ESR1: variants seen among roughly 807,000 people sequenced by gnomAD.
ESR1 encodes the protein estrogen receptor.
In ESR1, 12 loss-of-function variants were observed where a neutral mutation model predicts 52.7. That is an observed-to-expected ratio of 0.23 (90% confidence interval 0.15 to 0.37). The LOEUF is 0.37. Among genes scored for constraint, ESR1 ranks in the 10% least tolerant of loss-of-function variants. The pLI is 1.00. For synonymous variants in ESR1, 305 were observed against 316.8 expected (o/e 0.96, Z 0.39); for missense variants, 584 against 779.7 (o/e 0.75, Z 2.99).
intron 2 of ESR1, among the ~76,000 whole-genome samples, chr6:151,863,402 A>C (rs1465402377): frequency 1.3e-5 from 2 of 152,116 alleles, no homozygotes; most frequent in African/African-American, 4.8e-5. Context: ...TTCTCATTGA[A>C]GCAATTGTGA....
At chr6:152,049,060 A>T (rs1178644368) in intron 5 of ESR1, among the ~76,000 whole-genome samples, 1 of 152,242 alleles carries the variant, frequency 6.6e-6, no homozygotes, top group African/African-American at 2.4e-5. Flanking sequence ...TCAGCTGGAT[A>T]TTTGAGTAGG....
intron 5 of ESR1, among the ~76,000 whole-genome samples, chr6:152,052,636 T>A (rs921569109): frequency 1.3e-4 from 19 of 151,922 alleles, no homozygotes; most frequent in African/African-American, 4.6e-4. Context: ...AAGGACAGTC[T>A]CACAGCACAG....
At position 152,103,132 on chromosome 6, in the gene ESR1, G is replaced by A. The variant is rs368840365; in HGVS notation, c.*4166G>A. 12 of 214,386 alleles carry A rather than the reference G, an allele frequency of 5.6e-5. No individual in the cohort carries two copies. Among genetic ancestry groups the A allele is most frequent in the East Asian group, 5.6e-4 (8 of 14,348 alleles). 13.3% of individuals were successfully genotyped at this position (214,386 alleles called of 1,614,324 possible). On this transcript the variant is annotated 3_prime_UTR_variant, in exon 8 of 8. Coordinates refer to ENST00000206249, the MANE Select transcript of ESR1 (RefSeq NM_000125.4). ...ATGCATACTATTACTGATGTGACTC[G>A]GTTTTGTCGCAGCTTTGCTTTGTTT...
chr6:152,022,977 CAAA>C (rs552229617), intron 5 of ESR1, among the ~76,000 whole-genome samples: 27 of 116,816 alleles, frequency 2.3e-4, no homozygotes, highest in Admixed American at 2.0e-3. Context: ...AACTCTGTCT[CAAA>C]AAAAAAAAAA....
chr6:151,736,265 T>C (rs952341199), intron 2 of ESR1, among the ~76,000 whole-genome samples: 2 of 104,360 alleles, frequency 1.9e-5, no homozygotes, highest in Admixed American at 9.8e-5. Context: ...AAGTTACATG[T>C]AATAAACAAT....
chr6:152,090,638 A>G (rs1267008795), intron 6 of ESR1, among the ~76,000 whole-genome samples: 2 of 152,214 alleles, frequency 1.3e-5, no homozygotes, highest in Non-Finnish European at 2.9e-5. Flanking sequence ...AGACTCCATT[A>G]TCTAGAAAAG....
At chr6:151,899,683 G>T (rs1320090340) in intron 3 of ESR1, among the ~76,000 whole-genome samples, 1 of 151,622 alleles carries the variant, frequency 6.6e-6, no homozygotes, top group Non-Finnish European at 1.5e-5. Flanking sequence ...TCTCAGACAG[G>T]GCGGTTGCCA....
At chr6:151,722,336 C>T (rs922825033) in intron 2 of ESR1, among the ~76,000 whole-genome samples, 6 of 152,074 alleles carry the variant, frequency 3.9e-5, no homozygotes, top group South Asian at 2.1e-4. Context: ...GGAAGAAACA[C>T]GGTGAAAGCA....
At chr6:152,059,037 G>A (rs2047334096) in intron 5 of ESR1, among the ~76,000 whole-genome samples, 1 of 152,106 alleles carries the variant, frequency 6.6e-6, no homozygotes, top group South Asian at 2.1e-4. Flanking sequence ...GAAAACTAAT[G>A]AGCTAGTTGA....
At chr6:152,037,236 G>A (rs1352356878) in intron 5 of ESR1, among the ~76,000 whole-genome samples, 2 of 152,108 alleles carry the variant, frequency 1.3e-5, no homozygotes, top group African/African-American at 4.8e-5. Context: ...GAGAGAGGGG[G>A]AGAGAGTGAG....
intron 1 of ESR1, chr6:151,813,155 C>T (rs980852101): frequency 2.6e-5 from 4 of 152,100 alleles, no homozygotes; most frequent in Non-Finnish European, 4.4e-5. Flanking sequence ...TCAGGAGGGA[C>T]TCTGAAGAAA....
rs961937063 is a variant in ESR1, at chr6:151,684,053, C to T, written n.74-17822C>T. 2.0e-5 allele frequency among the ~76,000 whole-genome samples: 3 copies of T among 152,100 alleles called. No homozygotes were observed. The East Asian group carries it at 5.8e-4, about 29-fold the overall frequency. ...ATTTGTCTCCCTTCCTAGACACAAG[C>T]TCCTCAGGATCATATCTGTTCTTCC... On this transcript the variant is annotated intron_variant and non_coding_transcript_variant, in intron 1 of 2. Coordinates refer to the ESR1 transcript ENST00000473497.
rs1287184459 is a variant in ESR1 at position 152,011,722 on chromosome 6, T to C, written c.1163T>C (p.Met388Thr). Residue 388 changes from methionine to threonine, a missense_variant, in exon 5 of 8, where the codon ATG (methionine) becomes ACG (threonine). Transcript: ENST00000206249. Reference sequence around the variant, plus strand: ...GAATGTGCCTGGCTAGAGATCCTGATGATTGGTCTCGTCTGGCGCTCCATG... The same window carrying C: ...GAATGTGCCTGGCTAGAGATCCTGACGATTGGTCTCGTCTGGCGCTCCATG... ...LLECAWLEIL[M>T]IGLVWRSMEH... is the part of the protein sequence containing the mutation. 1 of 1,613,290 alleles carries C rather than the reference T, an allele frequency of 6.2e-7. No homozygotes were observed. Among genetic ancestry groups the C allele is most frequent in the Non-Finnish European group, 8.5e-7 (1 of 1,179,586 alleles).
chr6:151,928,110 T>A (rs2033037162), intron 3 of ESR1, among the ~76,000 whole-genome samples: 1 of 152,184 alleles, frequency 6.6e-6, no homozygotes. Context: ...AGTTTCTTTA[T>A]CATGTTTCTG....
intron 2 of ESR1, among the ~76,000 whole-genome samples, chr6:151,871,360 G>A (rs1279123487): frequency 5.9e-5 from 9 of 151,914 alleles, no homozygotes; most frequent in Admixed American, 2.6e-4. Context: ...TTGTGCAACC[G>A]GAACTTTTCA....
chr6:151,788,284 C>T lies in ESR1; in HGVS notation c.-70-19559C>T, dbSNP rs748984302. Among the ~76,000 whole-genome samples the T allele has an allele frequency of 1.7e-4, 26 of 152,004 alleles. 1 individual carries two copies. Among genetic ancestry groups the T allele is most frequent in the Non-Finnish European group, 3.5e-4 (24 of 67,962 alleles). ...AGAAAAAAACAACCTCATTAAAAAG[C>T]AGGCAAAGGGCATGAACAGACACTT... On this transcript the variant is annotated intron_variant, in intron 2 of 2. Transcript: ENST00000404742.
At chr6:152,068,254 A>G (rs1285641232) in intron 6 of ESR1, among the ~76,000 whole-genome samples, 1 of 152,226 alleles carries the variant, frequency 6.6e-6, no homozygotes, top group Non-Finnish European at 1.5e-5. Flanking sequence ...GGAACACATC[A>G]TTTATGCATT....
At chr6:151,663,786 C>T (rs1466369940) in intron 1 of ESR1, among the ~76,000 whole-genome samples, 1 of 152,142 alleles carries the variant, frequency 6.6e-6, no homozygotes. Context: ...TTGATTGTAC[C>T]TATTTTATGG....
chr6:151,913,532 T>C (rs1243810301), intron 3 of ESR1, among the ~76,000 whole-genome samples: 1 of 152,266 alleles, frequency 6.6e-6, no homozygotes. Context: ...AATGACAATT[T>C]AACTGATATC....
Sources: allele counts gnomAD v4.1 joint callset (sites outside exome capture counted in the v4.1 genomes callset), GRCh38; gene constraint gnomAD v4.1.1; transcripts MANE v1.5; gene names NCBI Gene and HGNC (gene_info 2026-07-23, HGNC 2026-07-21).